Variants in SMARCAL1 observed in about 807,000 individuals in gnomAD.
SMARCAL1 encodes ATP-driven annealing helicase.
In SMARCAL1, 58 loss-of-function variants were observed where a neutral mutation model predicts 94.5. The ratio of observed to expected loss-of-function variants is 0.61; its 90% CI spans 0.50 to 0.76. SMARCAL1 has a LOEUF of 0.76. SMARCAL1 is among the 30% of genes least tolerant of loss of function. The probability of loss-of-function intolerance (pLI) is 0.00; values close to 1 mark genes in which losing one functional copy is unlikely to be tolerated. For missense variants in SMARCAL1, 1,051 were observed against 1,177.9 expected (o/e 0.89, Z 1.58); for synonymous variants, 422 against 455.1 (o/e 0.93, Z 0.93).
At chr2:216,470,501 T>C (rs1331013286) in intron 14 of SMARCAL1, among the ~76,000 whole-genome samples, 1 of 151,726 alleles carries the variant, frequency 6.6e-6, no homozygotes, top group Non-Finnish European at 1.5e-5. Context: ...CTTTTTTTTT[T>C]TTTTGAAGCA....
chr2:216,470,133 C>T (rs1694928919), intron 14 of SMARCAL1, among the ~76,000 whole-genome samples: 1 of 151,670 alleles, frequency 6.6e-6, no homozygotes, highest in Admixed American at 6.6e-5. Flanking sequence ...AATGTTTTAT[C>T]AGTTATCTTT....
intron 13 of SMARCAL1, among the ~76,000 whole-genome samples, chr2:216,466,562 G>T (rs1694833211): frequency 6.6e-6 from 1 of 152,006 alleles, no homozygotes; most frequent in Non-Finnish European, 1.5e-5. Flanking sequence ...ATTTTAATGG[G>T]CATCTTTTAA....
chr2:216,416,468 G>A (rs1425031135), intron 4 of SMARCAL1, among the ~76,000 whole-genome samples, 161 bp downstream of exon 4: 4 of 152,228 alleles, frequency 2.6e-5, no homozygotes, highest in Non-Finnish European at 5.9e-5. Flanking sequence ...AGCCTAATGA[G>A]GCAGCTCTGT....
chr2:216,469,279 CTTTTTTTT>C (rs71054477), intron 14 of SMARCAL1, among the ~76,000 whole-genome samples: 10 of 102,968 alleles, frequency 9.7e-5, no homozygotes, highest in African/African-American at 1.2e-4. Context: ...TTAGAGATTT[CTTTTTTTT>C]TTTTTTTTTT....
rs373292571 is a variant in SMARCAL1 at position 216,475,367 on chromosome 2, G to T, written c.2343G>T (p.Val781=). The change falls in exon 15 of 18, where the codon GTG becomes GTT. Residue 781 remains valine (V), a synonymous_variant. Coordinates refer to ENST00000357276, the MANE Select transcript of SMARCAL1 (RefSeq NM_014140.4). This position sits in a 1 kb window ranked among gnomAD's most constrained non-coding sequence, Gnocchi z 4.4. ...FQLSERHAVA[V]LSITAANMGL... ...TGTCGGAGAGGCATGCTGTGGCCGTGCTGTCCATCACCGCTGCCAATATGG... is the reference window on the plus strand; with the variant it reads ...TGTCGGAGAGGCATGCTGTGGCCGTTCTGTCCATCACCGCTGCCAATATGG... 6.2e-7 allele frequency: 1 copy of T among 1,614,198 alleles called. No homozygotes were observed. Among genetic ancestry groups the T allele is most frequent in the Non-Finnish European group, 8.5e-7 (1 of 1,180,032 alleles).
intron 10 of SMARCAL1, among the ~76,000 whole-genome samples, chr2:216,443,988 A>G (rs1388606949): frequency 1.3e-5 from 2 of 152,228 alleles, no homozygotes; most frequent in Admixed American, 1.3e-4. Context: ...AGCTCCTTGT[A>G]TAGTGACTGT....
intron 10 of SMARCAL1, among the ~76,000 whole-genome samples, chr2:216,443,143 C>T (rs570195202): frequency 6.6e-5 from 10 of 152,216 alleles, no homozygotes; most frequent in African/African-American, 2.2e-4. Flanking sequence ...CTTTGGGAAG[C>T]TGAGGTGGGC....
At chr2:216,444,060 A>G (rs1694254356) in intron 10 of SMARCAL1, among the ~76,000 whole-genome samples, 1 of 152,188 alleles carries the variant, frequency 6.6e-6, no homozygotes, top group Non-Finnish European at 1.5e-5. Context: ...TATGCTTGCC[A>G]CTATCCTTAT....
At chr2:216,448,221 A>G (rs1248342615) in intron 11 of SMARCAL1, among the ~76,000 whole-genome samples, 1 of 152,232 alleles carries the variant, frequency 6.6e-6, no homozygotes, top group Non-Finnish European at 1.5e-5. Flanking sequence ...TCATATATTT[A>G]GTTCATTTTC....
intron 10 of SMARCAL1, 44 bp from the exon 11 acceptor site, chr2:216,446,974 G>A: frequency 6.2e-7 from 1 of 1,613,548 alleles, no homozygotes; most frequent in Non-Finnish European, 8.5e-7. Flanking sequence ...TTTCCTGTGT[G>A]CTCCTCCCTG....
At chr2:216,450,129 C>T (rs568462176) in intron 11 of SMARCAL1, among the ~76,000 whole-genome samples, 125 of 152,296 alleles carry the variant, frequency 8.2e-4, no homozygotes, top group Non-Finnish European at 1.4e-3. Flanking sequence ...GGATTACAGG[C>T]GTGAGCCACT....
At chr2:216,421,179 T>C (rs901591328) in intron 5 of SMARCAL1, among the ~76,000 whole-genome samples, 2 of 152,068 alleles carry the variant, frequency 1.3e-5, no homozygotes, top group Admixed American at 1.3e-4. Flanking sequence ...TTGTCGGAGG[T>C]GGGGCTTGGA....
Position 216,415,481 on chromosome 2 carries a change from T to C in SMARCAL1, c.777T>C (p.Ile259=), listed in dbSNP as rs1359695954. 6 of 1,613,854 alleles carry C rather than the reference T, an allele frequency of 3.7e-6. No homozygotes were observed. The highest frequency in any genetic ancestry group is 5.1e-6 in the Non-Finnish European group (6 of 1,180,018). The part of the protein sequence containing the change: ...QVLIGYNAEL[I]AVFKTLPSKN... ...TGATTGGGTACAATGCGGAACTCAT[T>C]GCAGTGTTTAAGACCCTGCCCAGCA... is the stretch of plus-strand genomic sequence containing the variant. The change falls in exon 3 of 18, where the codon ATT becomes ATC. Residue 259 remains isoleucine (I), a synonymous_variant. Coordinates refer to ENST00000357276, the MANE Select transcript of SMARCAL1 (RefSeq NM_014140.4).
chr2:216,429,523 C>T (rs769780960), intron 7 of SMARCAL1, among the ~76,000 whole-genome samples: 1 of 152,304 alleles, frequency 6.6e-6, no homozygotes, highest in Non-Finnish European at 1.5e-5. Context: ...TTTGAACTAG[C>T]CTTCTCTTAA....
intron 6 of SMARCAL1, among the ~76,000 whole-genome samples, chr2:216,427,936 A>G (rs1157839615): frequency 6.6e-6 from 1 of 152,238 alleles, no homozygotes; most frequent in Non-Finnish European, 1.5e-5. Flanking sequence ...AAGTAAAATA[A>G]TACCCAGTTT....
chr2:216,456,088 G>A (rs1040413947), intron 12 of SMARCAL1, among the ~76,000 whole-genome samples: 8 of 152,224 alleles, frequency 5.3e-5, no homozygotes, highest in Non-Finnish European at 1.2e-4. Context: ...TCAACTGGAA[G>A]AAAGGGTATC....
At chr2:216,422,081 G>A (rs1042460578) in intron 5 of SMARCAL1, among the ~76,000 whole-genome samples, 7 of 152,034 alleles carry the variant, frequency 4.6e-5, no homozygotes, top group Non-Finnish European at 8.8e-5. Flanking sequence ...TCAGCTTGGG[G>A]TGGCCCTTAA....
rs559092783 is a variant in SMARCAL1, at chr2:216,441,645, T to C, written c.1710+3160T>C. Among the ~76,000 whole-genome samples the C allele has an allele frequency of 1.3e-3, 203 of 152,356 alleles. 1 individual carries two copies. Among genetic ancestry groups the C allele is most frequent in the African/African-American group, 4.4e-3 (185 of 41,588 alleles). On this transcript the variant is annotated intron_variant, in intron 10 of 17. Coordinates refer to ENST00000357276, the MANE Select transcript of SMARCAL1 (RefSeq NM_014140.4). ...ATTCTGCAAGTGAACATCATCTATA[T>C]GTACCTTGCATATTTATCCTATTAG...
intron 7 of SMARCAL1, among the ~76,000 whole-genome samples, chr2:216,429,420 C>T (rs1035342043): frequency 6.6e-6 from 1 of 152,288 alleles, no homozygotes; most frequent in Non-Finnish European, 1.5e-5. Context: ...AAAAGAAAGT[C>T]AAGGTGCTCT....
Sources: gnomAD v4.1 joint callset for allele counts (sites outside exome capture counted in the v4.1 genomes callset) on GRCh38, gnomAD v4.1.1 for gene constraint, Gnocchi (gnomAD v3.1) non-coding constraint, MANE v1.5 for transcripts, NCBI Gene and HGNC (gene_info 2026-07-23, HGNC 2026-07-21) for gene names.